The following MYRIP variants were observed in gnomAD, a reference collection of about 807,000 sequenced individuals.
The protein encoded by MYRIP is myosin VIIA and Rab interacting protein.
Under a neutral mutation model 98.0 loss-of-function variants are expected in MYRIP, and 49 were observed. The observed-to-expected ratio is 0.50, with a 90% CI of 0.40 to 0.63. MYRIP has a LOEUF of 0.63. Ranked by LOEUF, MYRIP falls within the 30% of genes least tolerant of loss-of-function variation. The pLI, the probability that MYRIP is intolerant of heterozygous loss-of-function variation, is 0.00. For missense variants in MYRIP, 1,004 were observed against 1,058.2 expected (o/e 0.95, Z 0.71); for synonymous variants, 404 against 409.5 (o/e 0.99, Z 0.16).
intron 3 of MYRIP, among the ~76,000 whole-genome samples, chr3:40,127,512 T>C (rs575924058): frequency 2.0e-5 from 3 of 152,372 alleles, no homozygotes; most frequent in Non-Finnish European, 2.9e-5. Flanking sequence ...GTTAGATTCC[T>C]ACATGAAATG....
chr3:40,153,298 G>A (rs1007388293), intron 4 of MYRIP, among the ~76,000 whole-genome samples: 1 of 152,074 alleles, frequency 6.6e-6, no homozygotes, highest in Non-Finnish European at 1.5e-5. Flanking sequence ...ATAAAACAAC[G>A]AGATCTATTC....
intron 2 of MYRIP, among the ~76,000 whole-genome samples, chr3:39,996,480 T>A (rs1946358843): frequency 6.6e-6 from 1 of 152,170 alleles, no homozygotes; most frequent in Non-Finnish European, 1.5e-5. Flanking sequence ...CAAAAAGAGC[T>A]AAGTGTCCTA....
At chr3:39,881,148 T>C (rs569241402) in intron 1 of MYRIP, among the ~76,000 whole-genome samples, 1 of 152,304 alleles carries the variant, frequency 6.6e-6, no homozygotes, top group Non-Finnish European at 1.5e-5. Context: ...ATAAAATCAG[T>C]ATCTTCTGAC....
intron 2 of MYRIP, among the ~76,000 whole-genome samples, chr3:39,983,131 T>G (rs1945935058): frequency 6.6e-6 from 1 of 152,230 alleles, no homozygotes; most frequent in Non-Finnish European, 1.5e-5. Flanking sequence ...AAACTTGAAA[T>G]ACAGGTTTCT....
At chr3:40,166,804 C>A (rs1470092490) in intron 5 of MYRIP, 42 bp from the exon 6 acceptor site, 1 of 1,305,794 alleles carries the variant, frequency 7.7e-7, no homozygotes, top group Non-Finnish European at 1.1e-6. Flanking sequence ...TTTTACTCAT[C>A]ATTCCCTTTT....
intron 8 of MYRIP, among the ~76,000 whole-genome samples, chr3:40,178,575 A>G (rs1036074828): frequency 3.3e-5 from 5 of 152,192 alleles, no homozygotes; most frequent in Non-Finnish European, 7.3e-5. Context: ...CTGTTTACTC[A>G]TGTGCACTCA....
At chr3:40,035,299 A>G (rs1269374657) in intron 2 of MYRIP, among the ~76,000 whole-genome samples, 2 of 152,106 alleles carry the variant, frequency 1.3e-5, no homozygotes, top group East Asian at 1.9e-4. Context: ...ACAACAAGGT[A>G]TTGAAAACTA....
intron 11 of MYRIP, among the ~76,000 whole-genome samples, chr3:40,212,094 A>ATG (rs1284388700): frequency 4.4e-4 from 45 of 102,090 alleles, no homozygotes; most frequent in African/African-American, 1.3e-3. Flanking sequence ...ATATATATAT[A>ATG]TGTGTGTGTG....
At chr3:40,056,712 T>C (rs1447151466) in intron 3 of MYRIP, among the ~76,000 whole-genome samples, 2 of 152,186 alleles carry the variant, frequency 1.3e-5, no homozygotes, top group Non-Finnish European at 2.9e-5. Context: ...TAACTTAGGT[T>C]AATTAATAGA....
intron 2 of MYRIP, among the ~76,000 whole-genome samples, chr3:39,944,219 C>T (rs1424727391): frequency 3.9e-5 from 6 of 152,016 alleles, no homozygotes; most frequent in African/African-American, 9.7e-5. Context: ...AATTTCATCC[C>T]CAGGAATTAT....
At chr3:40,048,009 T>A (rs545327632) in intron 3 of MYRIP, among the ~76,000 whole-genome samples, 2 of 152,224 alleles carry the variant, frequency 1.3e-5, no homozygotes, top group East Asian at 3.9e-4. Flanking sequence ...CTTTGTCCAG[T>A]AGCTCCTCTG....
intron 2 of MYRIP, among the ~76,000 whole-genome samples, chr3:39,905,554 A>G (rs1188406192): frequency 1.3e-5 from 2 of 152,206 alleles, no homozygotes; most frequent in Non-Finnish European, 1.5e-5. Flanking sequence ...CAGTTCTGAC[A>G]GTGCAACATT....
At chr3:40,004,804 G>T (rs555857459) in intron 2 of MYRIP, among the ~76,000 whole-genome samples, 1 of 152,082 alleles carries the variant, frequency 6.6e-6, no homozygotes, top group Admixed American at 6.6e-5. Flanking sequence ...TGTGAATGCC[G>T]TTTCCAAGAG....
intron 1 of MYRIP, among the ~76,000 whole-genome samples, chr3:39,858,296 G>T (rs1340447148): frequency 1.3e-5 from 2 of 152,044 alleles, no homozygotes; most frequent in African/African-American, 4.8e-5. Flanking sequence ...GGCCCCAAGA[G>T]ACAATGAACG....
chr3:39,873,846 T>C (rs1942888438), intron 1 of MYRIP, among the ~76,000 whole-genome samples: 1 of 152,158 alleles, frequency 6.6e-6, no homozygotes, highest in African/African-American at 2.4e-5. Flanking sequence ...CCATATGAAC[T>C]TTAAAGTAGT....
intron 3 of MYRIP, among the ~76,000 whole-genome samples, chr3:40,059,454 G>C (rs1211861365): frequency 6.6e-6 from 1 of 152,096 alleles, no homozygotes; most frequent in African/African-American, 2.4e-5. Flanking sequence ...GTTGTTTCCT[G>C]ACTTTTTAAT....
At chr3:40,069,511 C>T (rs183011674) in intron 3 of MYRIP, among the ~76,000 whole-genome samples, 43 of 151,876 alleles carry the variant, frequency 2.8e-4, no homozygotes, top group African/African-American at 1.0e-3. Context: ...TGTTGTTGTG[C>T]AACCATCACT....
At position 40,085,265 on chromosome 3, in the gene MYRIP, T is replaced by TCA. The variant is rs764130337; in HGVS notation, c.332+41007_332+41008dup. On this transcript the variant is annotated intron_variant, in intron 3 of 16. Transcript: ENST00000302541. Reference sequence around the variant, plus strand: ...TATGTGTCTATGTATTATATATAATTCACACACACACACATACATATATTT... The same window carrying TCA: ...TATGTGTCTATGTATTATATATAATTCACACACACACACACATACATATATTT... Among the ~76,000 whole-genome samples the TCA allele has an allele frequency of 3.2e-4, 48 of 151,786 alleles. No homozygotes were observed. The South Asian group carries it at 7.5e-3, about 24-fold the overall frequency.
chr3:40,021,459 A>T (rs912145329), intron 2 of MYRIP, among the ~76,000 whole-genome samples: 1 of 152,224 alleles, frequency 6.6e-6, no homozygotes, highest in Non-Finnish European at 1.5e-5. Context: ...ATGTCAGAAA[A>T]TGTGTGATGA....
Sources: gnomAD v4.1 joint callset for allele counts (sites outside exome capture counted in the v4.1 genomes callset) on GRCh38, gnomAD v4.1.1 for gene constraint, MANE v1.5 for transcripts, NCBI Gene and HGNC (gene_info 2026-07-23, HGNC 2026-07-21) for gene names.